The following ADAMTSL1 variants were observed in gnomAD, a reference collection of about 807,000 sequenced individuals.
ADAMTSL1 encodes the protein ADAMTS-like protein 1.
In ADAMTSL1, 126 loss-of-function variants were observed where a neutral mutation model predicts 201.8. The observed-to-expected ratio is 0.62, with a 90% confidence interval of 0.54 to 0.72. The LOEUF (loss-of-function observed/expected upper bound fraction) is 0.72. Ranked by LOEUF, ADAMTSL1 falls within the 30% of genes least tolerant of loss-of-function variation. ADAMTSL1 has a pLI of 0.00. For missense variants in ADAMTSL1, 2,679 were observed against 2,277.8 expected (o/e 1.18, Z -3.59); for synonymous variants, 1,121 against 903.4 (o/e 1.24, Z -4.32).
At chr9:18,070,474 G>C (rs1822915300) in intron 1 of ADAMTSL1, among the ~76,000 whole-genome samples, 1 of 152,184 alleles carries the variant, frequency 6.6e-6, no homozygotes, top group South Asian at 2.1e-4. Context: ...AAATGAGAGA[G>C]AGAGGTAGGG....
chr9:18,398,981 T>C (rs73643267), intron 2 of ADAMTSL1, among the ~76,000 whole-genome samples: 3,545 of 152,024 alleles, frequency 0.023, 162 homozygotes, highest in African/African-American at 0.081. Flanking sequence ...AATCTTAAGA[T>C]AGTATGTTGA....
At chr9:18,368,102 A>G (rs1836860596) in intron 2 of ADAMTSL1, among the ~76,000 whole-genome samples, 1 of 151,520 alleles carries the variant, frequency 6.6e-6, no homozygotes. Context: ...TTTTTAATAG[A>G]GATGGGGTTT....
intron 2 of ADAMTSL1, among the ~76,000 whole-genome samples, chr9:18,301,876 G>T (rs1224273701): frequency 6.6e-6 from 1 of 152,132 alleles, no homozygotes; most frequent in Non-Finnish European, 1.5e-5. Context: ...AATTGTGTGT[G>T]TACATTATTT....
At chr9:18,666,953 T>TC (rs1213697376) in intron 9 of ADAMTSL1, among the ~76,000 whole-genome samples, 4 of 149,224 alleles carry the variant, frequency 2.7e-5, no homozygotes, top group African/African-American at 9.8e-5. Context: ...AGATTTTCTT[T>TC]TTTTTTTTTT....
chr9:17,959,572 C>G (rs150428321), intron 1 of ADAMTSL1, among the ~76,000 whole-genome samples: 12 of 152,100 alleles, frequency 7.9e-5, no homozygotes, highest in African/African-American at 2.9e-4. Flanking sequence ...GATTCTCCTG[C>G]CTCAGCCTCC....
chr9:18,104,836 T>A (rs1199700416), intron 1 of ADAMTSL1, among the ~76,000 whole-genome samples: 1 of 152,192 alleles, frequency 6.6e-6, no homozygotes, highest in Non-Finnish European at 1.5e-5. Flanking sequence ...CAAGTCACTA[T>A]CACCCTAGGC....
chr9:18,537,942 G>A lies in ADAMTSL1; in HGVS notation c.237+4650G>A, dbSNP rs181617691. On this transcript the variant is annotated intron_variant, in intron 3 of 28. Coordinates refer to ENST00000380548, the MANE Select transcript of ADAMTSL1 (RefSeq NM_001040272.6). ...AGAAGAAAGAAGAAGAGGAGGAAGA[G>A]GAAGAAGAAGAAGGAAGAAGAGAAG... is the stretch of plus-strand genomic sequence containing the variant. 1.1e-3 allele frequency among the ~76,000 whole-genome samples: 161 copies of A among 142,838 alleles called. 1 individual carries two copies. The highest frequency in any genetic ancestry group is 3.9e-3 in the African/African-American group (150 of 38,766). 93.7% of individuals were successfully genotyped at this position (142,838 alleles called of 152,430 possible).
At chr9:18,317,097 G>A (rs1038815558) in intron 2 of ADAMTSL1, among the ~76,000 whole-genome samples, 3 of 152,156 alleles carry the variant, frequency 2.0e-5, no homozygotes, top group Admixed American at 6.5e-5. Context: ...GAACCTGGAA[G>A]ACATTATGAT....
chr9:18,690,419 T>C (rs955920536), intron 13 of ADAMTSL1, among the ~76,000 whole-genome samples: 1 of 152,192 alleles, frequency 6.6e-6, no homozygotes, highest in African/African-American at 2.4e-5. Context: ...CCAAACATCA[T>C]TTATGGGTCC....
At chr9:18,167,916 G>T (rs1290636775) in intron 2 of ADAMTSL1, among the ~76,000 whole-genome samples, 1 of 151,960 alleles carries the variant, frequency 6.6e-6, no homozygotes, top group Non-Finnish European at 1.5e-5. Flanking sequence ...TCTTTCATTA[G>T]CATCTTCCCA....
intron 1 of ADAMTSL1, among the ~76,000 whole-genome samples, chr9:18,140,910 G>A (rs182054124): frequency 1.3e-4 from 20 of 152,250 alleles, no homozygotes; most frequent in Admixed American, 1.3e-3. Context: ...ACAATGAGAG[G>A]GAGGCAAAAT....
chr9:18,419,998 G>T (rs554696263), intron 2 of ADAMTSL1, among the ~76,000 whole-genome samples: 65 of 152,190 alleles, frequency 4.3e-4, no homozygotes, highest in Non-Finnish European at 7.4e-4. Flanking sequence ...AAAGTGCTGG[G>T]ATTACAGGTG....
intron 2 of ADAMTSL1, among the ~76,000 whole-genome samples, chr9:18,282,717 G>C (rs938516184): frequency 2.0e-5 from 3 of 152,184 alleles, no homozygotes; most frequent in African/African-American, 7.2e-5. Context: ...GACCAACATG[G>C]AGAAACCCCA....
At chr9:18,847,798 A>G (rs1826228170) in intron 23 of ADAMTSL1, among the ~76,000 whole-genome samples, 1 of 152,246 alleles carries the variant, frequency 6.6e-6, no homozygotes, top group Admixed American at 6.5e-5. Flanking sequence ...GAGTACACAG[A>G]AGGAGAGAAG....
At chr9:18,189,558 A>G (rs896419858) in intron 2 of ADAMTSL1, among the ~76,000 whole-genome samples, 2 of 152,172 alleles carry the variant, frequency 1.3e-5, no homozygotes, top group East Asian at 1.9e-4. Flanking sequence ...CCAATTTGGT[A>G]AAATTAAATA....
At chr9:18,472,682 T>C (rs1019858151), upstream of ADAMTSL1, among the ~76,000 whole-genome samples, 1 of 152,092 alleles carries the variant, frequency 6.6e-6, no homozygotes, top group Non-Finnish European at 1.5e-5. Flanking sequence ...CTTGATCAGG[T>C]TTTCCATATT....
chr9:18,895,671 G>T (rs1278983458), intron 26 of ADAMTSL1, among the ~76,000 whole-genome samples: 2 of 145,330 alleles, frequency 1.4e-5, no homozygotes, highest in Non-Finnish European at 3.0e-5. Context: ...ATAAAAGAAA[G>T]ATCTGAGAAG....
At chr9:18,076,328 C>A (rs1288982886) in intron 1 of ADAMTSL1, among the ~76,000 whole-genome samples, 5 of 152,174 alleles carry the variant, frequency 3.3e-5, no homozygotes, top group Admixed American at 1.3e-4. Flanking sequence ...CTTCTGTAGT[C>A]TAGGTATTGT....
At chr9:18,067,973 A>G (rs566841359) in intron 1 of ADAMTSL1, among the ~76,000 whole-genome samples, 3 of 152,168 alleles carry the variant, frequency 2.0e-5, no homozygotes, top group African/African-American at 7.2e-5. Context: ...AAAGCTTTCG[A>G]CAGGATAATT....
Sources: gnomAD v4.1 joint callset for allele counts (sites outside exome capture counted in the v4.1 genomes callset) on GRCh38, gnomAD v4.1.1 for gene constraint, MANE v1.5 for transcripts, NCBI Gene and HGNC (gene_info 2026-07-23, HGNC 2026-07-21) for gene names.